Variants in DAB1 observed in about 807,000 individuals in gnomAD.
DAB1 encodes the protein disabled homolog 1.
In DAB1, 15 loss-of-function variants were observed where a neutral mutation model predicts 64.6. The observed-to-expected ratio is 0.23, with a 90% CI of 0.16 to 0.36. DAB1 has a LOEUF of 0.36. Among genes scored for constraint, DAB1 ranks in the 10% least tolerant of loss-of-function variants. The probability of loss-of-function intolerance (pLI) is 1.00; values close to 1 mark genes in which losing one functional copy is unlikely to be tolerated. For synonymous variants in DAB1, 235 were observed against 251.9 expected (o/e 0.93, Z 0.64); for missense variants, 596 against 706.7 (o/e 0.84, Z 1.78).
chr1:58,020,415 C>T (rs1237496723), intron 5 of DAB1, among the ~76,000 whole-genome samples: 1 of 152,148 alleles, frequency 6.6e-6, no homozygotes, highest in African/African-American at 2.4e-5. Context: ...TTTGAGCTTC[C>T]TCACTAAACA....
intron 5 of DAB1, among the ~76,000 whole-genome samples, chr1:58,004,494 G>A (rs1646552038): frequency 6.6e-6 from 1 of 152,122 alleles, no homozygotes; most frequent in African/African-American, 2.4e-5. Flanking sequence ...GACCTCAGTA[G>A]CTTATGGGGC....
At chr1:57,181,123 T>G (rs1013058644) in intron 2 of DAB1, among the ~76,000 whole-genome samples, 7 of 152,150 alleles carry the variant, frequency 4.6e-5, no homozygotes, top group Admixed American at 1.3e-4. Context: ...TGTAACCCGG[T>G]GCTATGCATG....
chr1:58,072,547 TTA>T (rs1174007425), intron 5 of DAB1, among the ~76,000 whole-genome samples: 1 of 152,190 alleles, frequency 6.6e-6, no homozygotes, highest in East Asian at 1.9e-4. Context: ...GCTGTGAGAA[TTA>T]TGTGTGTGAC....
chr1:57,562,764 A>T (rs1645067861), intron 7 of DAB1, among the ~76,000 whole-genome samples: 1 of 152,038 alleles, frequency 6.6e-6, no homozygotes, highest in African/African-American at 2.4e-5. Context: ...CCAGAGGGAG[A>T]GATGCTGCCA....
intron 7 of DAB1, among the ~76,000 whole-genome samples, chr1:57,558,992 T>G (rs1025296693): frequency 3.3e-5 from 5 of 152,186 alleles, no homozygotes; most frequent in Non-Finnish European, 7.3e-5. Flanking sequence ...ATGTCGGGTC[T>G]AACAGTGGGA....
chr1:58,220,868 T>TACACAC (rs1356537012), intron 4 of DAB1, among the ~76,000 whole-genome samples: 1 of 42,546 alleles, frequency 2.4e-5, no homozygotes, highest in African/African-American at 5.4e-5. Flanking sequence ...CATATATACA[T>TACACAC]ATATACACAC....
intron 5 of DAB1, among the ~76,000 whole-genome samples, chr1:58,085,714 T>G (rs1650259500): frequency 6.6e-6 from 1 of 152,082 alleles, no homozygotes; most frequent in Non-Finnish European, 1.5e-5. Flanking sequence ...AAAAAAGTAT[T>G]AAAATCTCTC....
At chr1:57,951,248 A>T (rs1570055332) in intron 5 of DAB1, among the ~76,000 whole-genome samples, 1 of 147,404 alleles carries the variant, frequency 6.8e-6, no homozygotes, top group South Asian at 2.2e-4. Flanking sequence ...AAGGATAGAC[A>T]TTGGGGGGTG....
intron 4 of DAB1, among the ~76,000 whole-genome samples, chr1:58,250,979 A>G (rs968490266): frequency 1.3e-5 from 2 of 152,186 alleles, no homozygotes; most frequent in South Asian, 2.1e-4. Flanking sequence ...ACACCCCACA[A>G]TCAAGTGTGT....
chr1:57,503,868 T>C (rs1044021635), intron 7 of DAB1, among the ~76,000 whole-genome samples: 4 of 152,216 alleles, frequency 2.6e-5, no homozygotes, highest in South Asian at 2.1e-4. Flanking sequence ...CCTCTACTTA[T>C]GTATTTAGTC....
chr1:57,981,598 G>C (rs1646066827), intron 5 of DAB1, among the ~76,000 whole-genome samples: 2 of 152,146 alleles, frequency 1.3e-5, no homozygotes, highest in South Asian at 4.1e-4. Flanking sequence ...TGTGTATAGG[G>C]GGTTGTAATC....
At chr1:57,978,962 G>A (rs1388508890) in intron 5 of DAB1, among the ~76,000 whole-genome samples, 1 of 152,204 alleles carries the variant, frequency 6.6e-6, no homozygotes, top group Non-Finnish European at 1.5e-5. Flanking sequence ...TACATTGCTG[G>A]TGGGAGTATA....
intron 2 of DAB1, among the ~76,000 whole-genome samples, chr1:57,220,014 A>C (rs1457426705): frequency 1.3e-5 from 2 of 152,204 alleles, no homozygotes; most frequent in East Asian, 3.9e-4. Flanking sequence ...TTAGACTACA[A>C]GCTTCTTGAG....
intron 3 of DAB1, among the ~76,000 whole-genome samples, chr1:58,474,937 A>G (rs1042658140): frequency 1.3e-5 from 2 of 152,190 alleles, no homozygotes; most frequent in African/African-American, 4.8e-5. Context: ...GTTGCTGTGA[A>G]GATTAAAAGG....
intron 1 of DAB1, among the ~76,000 whole-genome samples, chr1:57,395,058 T>C (rs1045980345): frequency 1.3e-5 from 2 of 152,180 alleles, no homozygotes; most frequent in African/African-American, 4.8e-5. Context: ...AGAGTCTCAC[T>C]ATGTCACCGA....
chr1:57,033,357 C>A (rs770000434), intron 9 of DAB1: 1 of 1,611,126 alleles, frequency 6.2e-7, no homozygotes, highest in Admixed American at 1.7e-5. Context: ...GCAGAACAAC[C>A]TAATTTAACA....
chr1:58,016,432 T>A (rs139249131), intron 5 of DAB1, among the ~76,000 whole-genome samples: 135 of 152,318 alleles, frequency 8.9e-4, no homozygotes, highest in African/African-American at 3.1e-3. Context: ...GATACGAGGA[T>A]GATTCCCAAA....
chr1:57,811,299 G>T (rs1389881140), intron 6 of DAB1, among the ~76,000 whole-genome samples: 2 of 152,196 alleles, frequency 1.3e-5, no homozygotes, highest in African/African-American at 4.8e-5. Flanking sequence ...CACGGGGGTG[G>T]TTTCTCACGA....
At chr1:57,701,029 G>A (rs1646901262) in intron 6 of DAB1, among the ~76,000 whole-genome samples, 1 of 152,022 alleles carries the variant, frequency 6.6e-6, no homozygotes, top group Non-Finnish European at 1.5e-5. Flanking sequence ...AGTTAGAATG[G>A]CGATCATTAA....
Sources: gnomAD v4.1 joint callset for allele counts (sites outside exome capture counted in the v4.1 genomes callset) on GRCh38, gnomAD v4.1.1 for gene constraint, MANE v1.5 for transcripts, NCBI Gene and HGNC (gene_info 2026-07-23, HGNC 2026-07-21) for gene names.